NPAS2: variants seen among roughly 807,000 people sequenced by gnomAD.
NPAS2 encodes the protein neuronal PAS domain-containing protein 2.
Under a neutral mutation model 107.5 loss-of-function variants are expected in NPAS2, and 23 were observed. That is an observed-to-expected ratio of 0.21 (90% CI 0.15 to 0.30). The LOEUF is 0.30. Among genes scored for constraint, NPAS2 ranks in the 10% least tolerant of loss-of-function variants. NPAS2 has a pLI of 1.00. For synonymous variants in NPAS2, 403 were observed against 417.5 expected, an observed-to-expected ratio of 0.97 and a Z score of 0.42; for missense variants, 756 against 1,043.3, an observed-to-expected ratio of 0.72 and a Z score of 3.79.
Position 100,990,771 on chromosome 2 carries a change from T to C in NPAS2, c.2019-9T>C, listed in dbSNP as rs375640123. ...GATCAGTTTCCTATTTCCCCACCTC[T>C]GCTTAAAGGCTGTTGCTGAGCCAGC... On this transcript the variant is annotated splice_polypyrimidine_tract_variant and intron_variant, in intron 18 of 20. Coordinates refer to ENST00000335681, the MANE Select transcript of NPAS2 (RefSeq NM_002518.4). The C allele has an allele frequency of 9.2e-5, 148 of 1,613,386 alleles. No homozygotes were observed. In the African/African-American group the frequency reaches 1.9e-3, roughly 21 times the overall value.
intron 7 of NPAS2, among the ~76,000 whole-genome samples, chr2:100,955,011 G>C (rs1460732545): frequency 6.6e-6 from 1 of 152,002 alleles, no homozygotes; most frequent in Admixed American, 6.6e-5. Context: ...CCAAGTAGCT[G>C]GTATCACAGG....
intron 1 of NPAS2, among the ~76,000 whole-genome samples, chr2:100,831,775 G>T (rs3849378): frequency 0.29 from 44,685 of 151,848 alleles, 9,677 homozygotes; most frequent in African/African-American, 0.61. Flanking sequence ...ATCTGAAAAG[G>T]TACCACTTTT....
chr2:100,820,692 C>T lies in NPAS2; in HGVS notation c.-23+278C>T, dbSNP rs1311701481. Among the ~76,000 whole-genome samples, 2 of 152,164 alleles carry T rather than the reference C, an allele frequency of 1.3e-5. No homozygotes were observed. The highest frequency in any genetic ancestry group is 4.8e-5 in the African/African-American group (2 of 41,446). On this transcript the variant is annotated intron_variant, in intron 1 of 20. Transcript: ENST00000335681. The surrounding 1 kb of genome is among the most constrained non-coding windows in gnomAD (Gnocchi z 5.6). Reference sequence around the variant, plus strand: ...GCGTCTCGACGCAGAAGACAGAGGACTGGGCATCCGAGCCTCGGAATTTGG... The same window carrying T: ...GCGTCTCGACGCAGAAGACAGAGGATTGGGCATCCGAGCCTCGGAATTTGG...
At position 100,993,602 on chromosome 2, in the gene NPAS2, A is replaced by G. The variant is rs975081711; in HGVS notation, c.2292+75A>G. ...ACGCTCCACACCCGAAGTCTCAGAG[A>G]TATTTTATTCCCTTGCTTTCAAGGT... On this transcript the variant is annotated intron_variant, in intron 20 of 20. Transcript: ENST00000335681. The G allele has an allele frequency of 1.6e-5, 19 of 1,167,582 alleles. No homozygotes were observed. In the South Asian group the frequency reaches 3.1e-4, roughly 19 times the overall value. The allele number at this position is 1,167,582 out of a possible 1,614,324, so 72.3% of individuals were successfully genotyped here. A position where few individuals can be genotyped will look rare whatever the true frequency, so the allele number is the denominator to read the frequency against.
Position 100,956,641 on chromosome 2 carries a change from G to A in NPAS2, c.598+7161G>A, listed in dbSNP as rs779048210. 1.1e-4 allele frequency among the ~76,000 whole-genome samples: 16 copies of A among 152,252 alleles called. No individual in the cohort carries two copies. The Middle Eastern group carries it at 0.017, about 162-fold the overall frequency. On this transcript the variant is annotated intron_variant, in intron 7 of 20. Coordinates refer to ENST00000335681, the MANE Select transcript of NPAS2 (RefSeq NM_002518.4). ...GGTCCAAGACTGAGAGAGTCCCTGG[G>A]CCACCACTCAAAAATCACATCAACA...
chr2:100,893,239 G>A (rs374872419), intron 1 of NPAS2, among the ~76,000 whole-genome samples: 70 of 152,296 alleles, frequency 4.6e-4, no homozygotes, highest in African/African-American at 1.6e-3. Context: ...AGATACAGAC[G>A]TTAATCCAAA....
intron 2 of NPAS2, among the ~76,000 whole-genome samples, chr2:100,912,449 C>T (rs879379384): frequency 8.5e-5 from 13 of 152,100 alleles, no homozygotes; most frequent in African/African-American, 3.1e-4. Context: ...GTTTCTGTTG[C>T]TATGTAACAA....
intron 1 of NPAS2, among the ~76,000 whole-genome samples, chr2:100,821,357 C>T (rs1676058895): frequency 6.6e-6 from 1 of 152,070 alleles, no homozygotes; most frequent in African/African-American, 2.4e-5. Flanking sequence ...AAGTTAGAAG[C>T]CCTGGAGTTC....
rs1372601040 is a variant in NPAS2, at chr2:100,965,043, G to A, written c.800+100G>A. 33 of 741,210 alleles carry A rather than the reference G, an allele frequency of 4.5e-5. 1 individual carries two copies. The highest frequency in any genetic ancestry group is 6.6e-5 in the Non-Finnish European group (31 of 466,826). 45.9% of individuals were successfully genotyped at this position (741,210 alleles called of 1,614,324 possible). A position where few individuals can be genotyped will look rare whatever the true frequency, so the allele number is the denominator to read the frequency against. ...AGAGAAGAGTCGGCCCTGGTCCATT[G>A]AAAGAGGAGGACTCTCTGGCACTAG... On this transcript the variant is annotated intron_variant, in intron 9 of 20. Transcript: ENST00000335681. This position sits in a 1 kb window ranked among gnomAD's most constrained non-coding sequence, Gnocchi z 4.3.
chr2:100,971,162 C>A (rs1021492097), intron 12 of NPAS2, 88 bp downstream of exon 12: 1 of 1,277,656 alleles, frequency 7.8e-7, no homozygotes. Context: ...GGTTTCTTTT[C>A]ATCAATGGAA....
chr2:100,993,300 A>C, intron 19 of NPAS2, 47 bp from the exon 20 acceptor site: 1 of 1,493,316 alleles, frequency 6.7e-7, no homozygotes, highest in Non-Finnish European at 9.0e-7. Context: ...TGTCGTATCA[A>C]TACTGCTTTC....
At chr2:100,959,718 CTTG>C (rs1675810529) in intron 7 of NPAS2, among the ~76,000 whole-genome samples, 1 of 152,204 alleles carries the variant, frequency 6.6e-6, no homozygotes, top group South Asian at 2.1e-4. Context: ...ACCTGTCAGA[CTTG>C]TTTTTCATTT....
In NPAS2 at chr2:100,869,641, C is replaced by T. The variant is rs117258916; in HGVS notation, c.-22-35092C>T. ...AGGCATGTTCCCTTCCTGTCCCTTC[C>T]GTGTGGGCGGGTTTATTCCTCATGT... On this transcript the variant is annotated intron_variant, in intron 1 of 20. Coordinates refer to ENST00000335681, the MANE Select transcript of NPAS2 (RefSeq NM_002518.4). Among the ~76,000 whole-genome samples, 82 of 152,284 alleles carry T rather than the reference C, an allele frequency of 5.4e-4. 2 individuals carry two copies. The East Asian group carries it at 9.9e-3, about 18-fold the overall frequency.
At position 100,990,641 on chromosome 2, in the gene NPAS2, C is replaced by T. The variant is rs529610629; in HGVS notation, c.2019-139C>T. The T allele has an allele frequency of 9.0e-6, 9 of 996,504 alleles. No homozygotes were observed. The South Asian group carries it at 1.3e-4, about 15-fold the overall frequency. The allele number at this position is 996,504 out of a possible 1,614,324, so 61.7% of individuals were successfully genotyped here. On this transcript the variant is annotated intron_variant, in intron 18 of 20. Coordinates refer to ENST00000335681, the MANE Select transcript of NPAS2 (RefSeq NM_002518.4). ...GGAGGTTACCCGCTGCGTCCATCAT[C>T]CTCAGAGAATGAAGCCAGGAGAGTG... is the stretch of plus-strand genomic sequence containing the variant.
intron 16 of NPAS2, chr2:100,985,980 G>A (rs933901657): frequency 4.9e-4 from 75 of 152,280 alleles, no homozygotes; most frequent in African/African-American, 1.8e-3. Context: ...AAAAACGCAT[G>A]GTAATTGGGT....
chr2:100,829,460 G>A (rs754392284), intron 1 of NPAS2, among the ~76,000 whole-genome samples: 3 of 152,158 alleles, frequency 2.0e-5, no homozygotes, highest in Non-Finnish European at 4.4e-5. Context: ...GACGTTATTG[G>A]TGTGAAATAA....
chr2:100,982,420 G>T (rs1226598742), intron 16 of NPAS2, 43 bp downstream of exon 16: 1 of 1,603,300 alleles, frequency 6.2e-7, no homozygotes. Flanking sequence ...GCTGCTGTGT[G>T]GGAAGGGGTC....
At chr2:100,969,582 CT>C (rs201775950) in intron 11 of NPAS2, among the ~76,000 whole-genome samples, 3,972 of 152,264 alleles carry the variant, frequency 0.026, 182 homozygotes, top group African/African-American at 0.09. Flanking sequence ...GAAAAACCTA[CT>C]TGAAATTTCA....
chr2:100,931,183 G>A (rs764499936), intron 3 of NPAS2, among the ~76,000 whole-genome samples: 62 of 152,126 alleles, frequency 4.1e-4, no homozygotes, highest in South Asian at 6.2e-4. Context: ...TCCCCACAGC[G>A]CGGCCCTCCC....
Sources: allele counts gnomAD v4.1 joint callset (sites outside exome capture counted in the v4.1 genomes callset), GRCh38; gene constraint gnomAD v4.1.1; non-coding constraint Gnocchi (gnomAD v3.1); transcripts MANE v1.5; gene names NCBI Gene and HGNC (gene_info 2026-07-23, HGNC 2026-07-21).